PCDH15: variants seen among roughly 807,000 people sequenced by gnomAD.
PCDH15 encodes the protein protocadherin-15.
Under a neutral mutation model 178.5 loss-of-function variants are expected in PCDH15, and 129 were observed. The ratio of observed to expected loss-of-function variants is 0.72; its 90% confidence interval spans 0.63 to 0.84. The LOEUF (loss-of-function observed/expected upper bound fraction) is 0.84, where lower values mean the gene tolerates loss of function less well. PCDH15 is among the 40% of genes least tolerant of loss of function. The probability of loss-of-function intolerance (pLI) is 0.00; values close to 1 mark genes in which losing one functional copy is unlikely to be tolerated. For synonymous variants in PCDH15, 800 were observed against 732.0 expected (o/e 1.09, Z -1.50); for missense variants, 2,230 against 2,099.9 (o/e 1.06, Z -1.21).
chr10:54,209,445 G>A (rs7919293), intron 10 of PCDH15, among the ~76,000 whole-genome samples: 136,708 of 152,052 alleles, frequency 0.9, 61,622 homozygotes, highest in East Asian at 0.98. Flanking sequence ...AAAGGTATCA[G>A]GAAGGGATTC....
intron 5 of PCDH15, among the ~76,000 whole-genome samples, chr10:54,346,744 C>G (rs1054317059): frequency 6.6e-6 from 1 of 152,106 alleles, no homozygotes. Context: ...ACATTTGGAC[C>G]AATTTATAGC....
chr10:54,455,000 T>C (rs1370712183), intron 3 of PCDH15, among the ~76,000 whole-genome samples: 4 of 152,144 alleles, frequency 2.6e-5, no homozygotes, highest in Non-Finnish European at 5.9e-5. Context: ...GTTCTTGTGA[T>C]AGTGAATTTG....
At chr10:55,279,946 T>A (rs1478972216) in intron 1 of PCDH15, among the ~76,000 whole-genome samples, 2 of 152,274 alleles carry the variant, frequency 1.3e-5, no homozygotes, top group East Asian at 3.9e-4. Context: ...TAGGAGCTTT[T>A]GAAGTTCTGT....
intron 21 of PCDH15, among the ~76,000 whole-genome samples, chr10:53,974,589 A>G (rs1407094604): frequency 6.6e-6 from 1 of 152,196 alleles, no homozygotes; most frequent in East Asian, 1.9e-4. Context: ...AAACTGTCTA[A>G]AGGTTTGATA....
chr10:55,432,695 G>A (rs1589022127), intron 2 of PCDH15, among the ~76,000 whole-genome samples: 1 of 152,050 alleles, frequency 6.6e-6, no homozygotes, highest in Admixed American at 6.5e-5. Context: ...TTTCATCATT[G>A]TGTAAAGCCA....
intron 18 of PCDH15, among the ~76,000 whole-genome samples, chr10:54,033,288 TTTTC>T (rs1344585473): frequency 1.1e-4 from 16 of 152,118 alleles, no homozygotes; most frequent in South Asian, 4.1e-4. Flanking sequence ...TTTAAGATTT[TTTTC>T]TTTCTAATAG....
At chr10:55,488,224 C>T (rs1390572714) in intron 2 of PCDH15, among the ~76,000 whole-genome samples, 1 of 151,554 alleles carries the variant, frequency 6.6e-6, no homozygotes, top group African/African-American at 2.4e-5. Flanking sequence ...TGGCTTTACA[C>T]TTTTTTAATC....
chr10:53,888,527 C>CCT (rs1229239455), intron 26 of PCDH15, among the ~76,000 whole-genome samples: 1 of 139,400 alleles, frequency 7.2e-6, no homozygotes, highest in Admixed American at 7.3e-5. Context: ...ATTTTTATCC[C>CCT]CTCAGCAATA....
In PCDH15 at chr10:54,926,977, A is replaced by G. The variant is rs116217171; in HGVS notation, c.-79-29477T>C. On this transcript the variant is annotated intron_variant, in intron 2 of 5. Transcript: ENST00000458638. ...CCTTCAGTTCAGTTCCAATTTTGGT[A>G]ATTTCTTGTCCTTAGCTTTGCAGTT... Among the ~76,000 whole-genome samples, 1,064 of 151,814 alleles carry G rather than the reference A, an allele frequency of 7.0e-3. 11 individuals are homozygous for G. The highest frequency in any genetic ancestry group is 0.025 in the African/African-American group (1,019 of 41,432).
chr10:54,243,175 C>G (rs2055580365), intron 8 of PCDH15, among the ~76,000 whole-genome samples: 1 of 152,070 alleles, frequency 6.6e-6, no homozygotes. Context: ...CTATTAAAGT[C>G]ATTAATATTT....
At chr10:54,829,593 G>C (rs1380155346) in intron 3 of PCDH15, among the ~76,000 whole-genome samples, 6 of 151,930 alleles carry the variant, frequency 3.9e-5, no homozygotes, top group Admixed American at 3.3e-4. Context: ...AATTTAGTGA[G>C]CCCAAATTAA....
chr10:55,220,303 C>T lies in PCDH15; in HGVS notation c.-155-53652G>A, dbSNP rs141701571. 4.4e-4 allele frequency among the ~76,000 whole-genome samples: 67 copies of T among 152,040 alleles called. 1 individual carries two copies. The highest frequency in any genetic ancestry group is 1.4e-3 in the African/African-American group (59 of 41,446). ...CTTCTTATTTTCAAAGTGTAAGTCT[C>T]GCTCTTTTTTTAAAACACATTTTTG... On this transcript the variant is annotated intron_variant, in intron 1 of 5. Transcript: ENST00000458638.
chr10:54,279,876 GA>G (rs2058573802), intron 8 of PCDH15, among the ~76,000 whole-genome samples: 1 of 151,704 alleles, frequency 6.6e-6, no homozygotes, highest in African/African-American at 2.4e-5. Flanking sequence ...AAAGGCAGGA[GA>G]AAAAATAAAT....
At chr10:55,311,412 A>T (rs1843583643) in intron 1 of PCDH15, among the ~76,000 whole-genome samples, 1 of 152,172 alleles carries the variant, frequency 6.6e-6, no homozygotes, top group African/African-American at 2.4e-5. Context: ...TGGAACCTTG[A>T]TCATCTTGAA....
intron 3 of PCDH15, among the ~76,000 whole-genome samples, chr10:54,516,895 G>A (rs2082285081): frequency 6.6e-6 from 1 of 152,102 alleles, no homozygotes; most frequent in Admixed American, 6.5e-5. Context: ...AAGAGAGTGG[G>A]GGCCAATATT....
intron 27 of PCDH15, among the ~76,000 whole-genome samples, chr10:53,862,345 C>A (rs570041830): frequency 6.6e-6 from 1 of 152,110 alleles, no homozygotes; most frequent in African/African-American, 2.4e-5. Flanking sequence ...CCAACACACC[C>A]GGCCATTGTA....
chr10:54,995,362 C>G (rs893242452), intron 2 of PCDH15, among the ~76,000 whole-genome samples: 1 of 134,026 alleles, frequency 7.5e-6, no homozygotes, highest in Non-Finnish European at 1.5e-5. Flanking sequence ...GACGACAGAG[C>G]GAGACTACGA....
Position 53,821,655 on chromosome 10 carries a change from T to A in PCDH15, c.4368-1425A>T, listed in dbSNP as rs555941964. On this transcript the variant is annotated intron_variant, in intron 32 of 37. Transcript: ENST00000644397. Reference sequence around the variant, plus strand: ...AACAAATTATGCTACTTTGTAGTTTTTAAAAAGTAAGGTAAATCTATTATA... The same window carrying A: ...AACAAATTATGCTACTTTGTAGTTTATAAAAAGTAAGGTAAATCTATTATA... 3 of 1,343,168 alleles carry A rather than the reference T, an allele frequency of 2.2e-6. No homozygotes were observed. The African/African-American group carries it at 4.4e-5, about 20-fold the overall frequency. 83.2% of individuals were successfully genotyped at this position (1,343,168 alleles called of 1,614,324 possible).
At chr10:55,274,372 C>A (rs1268908045) in intron 1 of PCDH15, among the ~76,000 whole-genome samples, 1 of 152,044 alleles carries the variant, frequency 6.6e-6, no homozygotes, top group African/African-American at 2.4e-5. Context: ...GCATACTCTC[C>A]CTACACATTT....
Sources: gnomAD v4.1 joint callset for allele counts (sites outside exome capture counted in the v4.1 genomes callset) on GRCh38, gnomAD v4.1.1 for gene constraint, MANE v1.5 for transcripts, NCBI Gene and HGNC (gene_info 2026-07-23, HGNC 2026-07-21) for gene names.